Variants in SMIM13 observed in about 807,000 individuals in gnomAD.
SMIM13 encodes the protein small integral membrane protein 13, also known as UPF0766 protein C6orf228.
In SMIM13, 3 loss-of-function variants were observed where a neutral mutation model predicts 5.9. That is an observed-to-expected ratio of 0.51 (90% confidence interval 0.23 to 1.31). The LOEUF is 1.31. SMIM13 is among the 40% of genes most tolerant of loss of function. The pLI is 0.18. For missense variants in SMIM13, 85 were observed against 109.9 expected (o/e 0.77, Z 1.01); for synonymous variants, 55 against 46.0 (o/e 1.19, Z -0.79).
At chr6:11,104,493 G>T (rs1758052274) in intron 1 of SMIM13, 1 of 1,555,222 alleles carries the variant, frequency 6.4e-7, no homozygotes, top group African/African-American at 1.4e-5. Context: ...AAAAAATTCT[G>T]AGACTGCTGA....
At chr6:11,128,520 C>T (rs751154577) in intron 1 of SMIM13, among the ~76,000 whole-genome samples, 17 of 152,140 alleles carry the variant, frequency 1.1e-4, no homozygotes, top group Non-Finnish European at 2.4e-4. Flanking sequence ...CCTTTGGTTG[C>T]CCCAGGTGGT....
chr6:11,122,298 A>G (rs747635848), intron 1 of SMIM13, among the ~76,000 whole-genome samples: 2 of 152,238 alleles, frequency 1.3e-5, no homozygotes, highest in Non-Finnish European at 2.9e-5. Context: ...GTGCAGTGTG[A>G]TAATCACATA....
intron 1 of SMIM13, among the ~76,000 whole-genome samples, chr6:11,108,131 C>T (rs755593983): frequency 1.3e-5 from 2 of 152,176 alleles, no homozygotes; most frequent in Non-Finnish European, 2.9e-5. Context: ...GTAGGGTATT[C>T]TGGCATCACT....
chr6:11,117,165 A>ATTTTTT, intron 1 of SMIM13, among the ~76,000 whole-genome samples: 1 of 69,012 alleles, frequency 1.4e-5, no homozygotes, highest in African/African-American at 5.4e-5. Context: ...TAATTTTTGT[A>ATTTTTT]TTTTTTTTTT....
At chr6:11,103,955 G>C in intron 1 of SMIM13, 1 of 1,551,676 alleles carries the variant, frequency 6.4e-7, no homozygotes, top group Non-Finnish European at 8.7e-7. Context: ...GGAGTTGTCT[G>C]ATGTTGTCTT....
At chr6:11,128,095 G>T (rs572048901) in intron 1 of SMIM13, among the ~76,000 whole-genome samples, 1 of 152,084 alleles carries the variant, frequency 6.6e-6, no homozygotes, top group African/African-American at 2.4e-5. Context: ...GAGTTTCTCC[G>T]CATAGCCACC....
At chr6:11,123,568 A>T (rs1391605031) in intron 1 of SMIM13, among the ~76,000 whole-genome samples, 1 of 152,244 alleles carries the variant, frequency 6.6e-6, no homozygotes, top group Non-Finnish European at 1.5e-5. Flanking sequence ...CCAGAAGTGT[A>T]TGACAGAACA....
At chr6:11,131,036 A>G (rs534956257) in intron 1 of SMIM13, among the ~76,000 whole-genome samples, 174 of 152,270 alleles carry the variant, frequency 1.1e-3, no homozygotes, top group African/African-American at 3.9e-3. Context: ...ATCTGTTTAG[A>G]TATTACAAGT....
chr6:11,123,444 A>G (rs947353534), intron 1 of SMIM13, among the ~76,000 whole-genome samples: 10 of 152,210 alleles, frequency 6.6e-5, no homozygotes, highest in African/African-American at 2.4e-4. Flanking sequence ...TAAAATAACA[A>G]GAGATGAACT....
intron 1 of SMIM13, among the ~76,000 whole-genome samples, chr6:11,096,110 G>T (rs1454914645): frequency 6.6e-6 from 1 of 152,240 alleles, no homozygotes; most frequent in African/African-American, 2.4e-5. Context: ...AGGAATAAGA[G>T]AGATGAGGTG....
At chr6:11,105,476 A>G in intron 1 of SMIM13, 3 of 600,376 alleles carry the variant, frequency 5.0e-6, no homozygotes, top group Non-Finnish European at 9.0e-6. Context: ...GGCATTACTT[A>G]TCTTTTTGTT....
intron 1 of SMIM13, among the ~76,000 whole-genome samples, chr6:11,133,500 G>C (rs1335759356): frequency 6.6e-6 from 1 of 152,128 alleles, no homozygotes; most frequent in Admixed American, 6.5e-5. Context: ...AAAATATGCT[G>C]TGTTTCATTT....
At chr6:11,117,668 C>T (rs561096339) in intron 1 of SMIM13, among the ~76,000 whole-genome samples, 1 of 151,478 alleles carries the variant, frequency 6.6e-6, no homozygotes, top group Non-Finnish European at 1.5e-5. Context: ...TATGGTCACA[C>T]AATGTATTTT....
chr6:11,117,923 A>T (rs1286599986), intron 1 of SMIM13, among the ~76,000 whole-genome samples: 1 of 152,056 alleles, frequency 6.6e-6, no homozygotes, highest in Non-Finnish European at 1.5e-5. Flanking sequence ...TTCAATAGAG[A>T]TGGAGTTTCA....
chr6:11,123,935 G>A (rs144661307), intron 1 of SMIM13, among the ~76,000 whole-genome samples: 3 of 152,274 alleles, frequency 2.0e-5, no homozygotes, highest in African/African-American at 4.8e-5. Flanking sequence ...ATACGGGCAT[G>A]CAATGCATAA....
intron 1 of SMIM13, chr6:11,103,737 C>T: frequency 1.3e-6 from 2 of 1,551,632 alleles, no homozygotes; most frequent in Non-Finnish European, 8.7e-7. Context: ...GCGTCCTGCA[C>T]TGAGATTCGT....
chr6:11,101,036 T>C (rs1354229192), intron 1 of SMIM13, among the ~76,000 whole-genome samples: 2 of 151,360 alleles, frequency 1.3e-5, no homozygotes, highest in Non-Finnish European at 2.9e-5. Context: ...CATTTTCTTT[T>C]TTTTTTTTTT....
At chr6:11,111,477 G>A (rs569893457) in intron 1 of SMIM13, among the ~76,000 whole-genome samples, 3 of 152,308 alleles carry the variant, frequency 2.0e-5, no homozygotes, top group African/African-American at 7.2e-5. Flanking sequence ...ACTTAGTGCA[G>A]ACTCCAAGGT....
intron 1 of SMIM13, 58 bp from the exon 2 acceptor site, chr6:11,134,345 C>A: frequency 1.5e-6 from 2 of 1,307,380 alleles, no homozygotes; most frequent in Non-Finnish European, 2.1e-6. Flanking sequence ...CTGTAACATT[C>A]TGAATTGATA....
Sources: allele counts gnomAD v4.1 joint callset (sites outside exome capture counted in the v4.1 genomes callset), GRCh38; gene constraint gnomAD v4.1.1; transcripts MANE v1.5; gene names NCBI Gene and HGNC (gene_info 2026-07-23, HGNC 2026-07-21).